Variants in RABGAP1L observed in about 807,000 individuals in gnomAD.
The protein encoded by RABGAP1L is rab GTPase-activating protein 1-like.
RABGAP1L carries 63 observed loss-of-function variants against 137.7 expected under a neutral mutation model. The observed-to-expected ratio is 0.46, with a 90% confidence interval of 0.37 to 0.56. RABGAP1L has a LOEUF of 0.56. Ranked by LOEUF, RABGAP1L falls within the 20% of genes least tolerant of loss-of-function variation. RABGAP1L has a pLI of 0.00. For missense variants in RABGAP1L, 1,095 were observed against 1,244.0 expected, an observed-to-expected ratio of 0.88 and a Z score of 1.80; for synonymous variants, 431 against 433.7, an observed-to-expected ratio of 0.99 and a Z score of 0.08.
intron 13 of RABGAP1L, among the ~76,000 whole-genome samples, chr1:174,533,937 G>A (rs1374578535): frequency 6.9e-6 from 1 of 144,720 alleles, no homozygotes; most frequent in African/African-American, 2.5e-5. Context: ...CTCCCAAAGT[G>A]CTGGGATTAC....
chr1:174,543,738 G>T (rs1665714726), intron 13 of RABGAP1L, among the ~76,000 whole-genome samples: 1 of 152,180 alleles, frequency 6.6e-6, no homozygotes, highest in Admixed American at 6.5e-5. Context: ...GGTACCAGTT[G>T]TTCCTTTCCA....
chr1:174,534,683 G>C (rs1169124542), intron 13 of RABGAP1L, among the ~76,000 whole-genome samples: 3 of 147,540 alleles, frequency 2.0e-5, no homozygotes, highest in Non-Finnish European at 4.5e-5. Flanking sequence ...GCTGAGGCAG[G>C]AGAATTGCTT....
chr1:174,849,957 T>G (rs1388039603), intron 19 of RABGAP1L: 6 of 709,206 alleles, frequency 8.5e-6, no homozygotes, highest in Admixed American at 7.5e-5. Context: ...ATCTTTGGAA[T>G]CAACATACAC....
At chr1:174,814,616 C>T (rs753671122) in intron 19 of RABGAP1L, among the ~76,000 whole-genome samples, 3 of 151,902 alleles carry the variant, frequency 2.0e-5, no homozygotes, top group Non-Finnish European at 4.4e-5. Context: ...ACTATATGTA[C>T]GTACTTACAT....
chr1:174,772,121 C>G (rs1462942592), intron 18 of RABGAP1L, among the ~76,000 whole-genome samples: 2 of 152,026 alleles, frequency 1.3e-5, no homozygotes, highest in African/African-American at 4.8e-5. Flanking sequence ...TTGCTTGAAG[C>G]CGGGAGGCAG....
At chr1:174,753,481 C>T (rs1420057469) in intron 18 of RABGAP1L, among the ~76,000 whole-genome samples, 1 of 152,132 alleles carries the variant, frequency 6.6e-6, no homozygotes, top group Non-Finnish European at 1.5e-5. Flanking sequence ...ATCTCTTATT[C>T]CTTTACACAT....
chr1:174,664,734 C>CTTTTTTTTTTTTTTTTTTT (rs71701825), intron 14 of RABGAP1L, among the ~76,000 whole-genome samples: 2 of 97,576 alleles, frequency 2.0e-5, no homozygotes, highest in East Asian at 2.8e-4. Context: ...TTTCTGCTTT[C>CTTTTTTTTTTTTTTTTTTT]TTTTTTTTTT....
At chr1:174,399,907 C>T (rs1233011602) in intron 13 of RABGAP1L, among the ~76,000 whole-genome samples, 5 of 152,132 alleles carry the variant, frequency 3.3e-5, no homozygotes, top group Non-Finnish European at 7.4e-5. Context: ...ATGGGAACTA[C>T]AATTCAAATG....
At chr1:174,551,019 T>TATATATATATAC (rs1553330337) in intron 13 of RABGAP1L, among the ~76,000 whole-genome samples, 3 of 116,028 alleles carry the variant, frequency 2.6e-5, no homozygotes, top group African/African-American at 1.2e-4. Context: ...TATATATATA[T>TATATATATATAC]ATACATACAC....
intron 19 of RABGAP1L, among the ~76,000 whole-genome samples, chr1:174,935,840 G>A (rs1253520968): frequency 1.3e-5 from 2 of 152,032 alleles, no homozygotes; most frequent in Non-Finnish European, 2.9e-5. Flanking sequence ...AATTAGCTGA[G>A]CGTGGTGGCA....
At chr1:174,253,481 A>G (rs1672878769) in intron 7 of RABGAP1L, among the ~76,000 whole-genome samples, 1 of 152,194 alleles carries the variant, frequency 6.6e-6, no homozygotes. Flanking sequence ...AAGTATCACT[A>G]TTTAAGGACA....
intron 13 of RABGAP1L, among the ~76,000 whole-genome samples, chr1:174,605,001 C>T (rs1670676649): frequency 6.6e-6 from 1 of 152,054 alleles, no homozygotes; most frequent in African/African-American, 2.4e-5. Flanking sequence ...ATTTGCTGGG[C>T]GTGGTGGCAC....
intron 6 of RABGAP1L, 115 bp from the exon 7 acceptor site, chr1:174,252,365 T>C: frequency 7.8e-7 from 1 of 1,274,466 alleles, no homozygotes; most frequent in Non-Finnish European, 1.1e-6. Flanking sequence ...TAGTATATCT[T>C]AAGAATAAGG....
intron 17 of RABGAP1L, among the ~76,000 whole-genome samples, chr1:174,720,211 T>C (rs1323963310): frequency 2.0e-5 from 3 of 151,766 alleles, no homozygotes; most frequent in African/African-American, 4.8e-5. Flanking sequence ...TTTCAACAAA[T>C]GTTGCTGAGG....
chr1:174,969,608 A>G (rs1307714348), intron 21 of RABGAP1L, among the ~76,000 whole-genome samples: 2 of 152,176 alleles, frequency 1.3e-5, no homozygotes, highest in African/African-American at 4.8e-5. Flanking sequence ...TTATACCTCT[A>G]AACTCTGTTA....
intron 1 of RABGAP1L, among the ~76,000 whole-genome samples, chr1:174,193,075 A>T (rs548884977): frequency 6.6e-6 from 1 of 152,370 alleles, no homozygotes; most frequent in South Asian, 2.1e-4. Context: ...AAATGCCCAG[A>T]ACTTTCTGGT....
chr1:174,779,547 A>G (rs1245045412), intron 18 of RABGAP1L, among the ~76,000 whole-genome samples: 1 of 152,178 alleles, frequency 6.6e-6, no homozygotes, highest in Non-Finnish European at 1.5e-5. Context: ...AGGCCAAAGG[A>G]TTATTAACCT....
At chr1:174,718,697 T>G (rs1681222026) in intron 17 of RABGAP1L, among the ~76,000 whole-genome samples, 2 of 152,070 alleles carry the variant, frequency 1.3e-5, no homozygotes, top group African/African-American at 2.4e-5. Context: ...CAAAGCAGTT[T>G]ACATGAAACC....
intron 18 of RABGAP1L, among the ~76,000 whole-genome samples, chr1:174,759,076 C>A (rs1239257979): frequency 6.6e-6 from 1 of 151,984 alleles, no homozygotes; most frequent in African/African-American, 2.4e-5. Context: ...TATTGCAGGA[C>A]CTCCTGTAAT....
Sources: gnomAD v4.1 joint callset for allele counts (sites outside exome capture counted in the v4.1 genomes callset) on GRCh38, gnomAD v4.1.1 for gene constraint, MANE v1.5 for transcripts, NCBI Gene and HGNC (gene_info 2026-07-23, HGNC 2026-07-21) for gene names.